The following SNCAIP variants were observed in gnomAD, a reference collection of about 807,000 sequenced individuals.
SNCAIP encodes the protein synphilin-1.
In SNCAIP, 43 loss-of-function variants were observed where a neutral mutation model predicts 86.7. The observed-to-expected ratio is 0.50, with a 90% CI of 0.39 to 0.64. SNCAIP has a LOEUF of 0.64. SNCAIP is among the 30% of genes least tolerant of loss of function. SNCAIP has a pLI of 0.00. For missense variants in SNCAIP, 981 were observed against 1,103.1 expected, an observed-to-expected ratio of 0.89 and a Z score of 1.57; for synonymous variants, 417 against 427.2, an observed-to-expected ratio of 0.98 and a Z score of 0.29.
At chr5:122,328,458 C>T (rs1754580086) in intron 1 of SNCAIP, among the ~76,000 whole-genome samples, 1 of 152,188 alleles carries the variant, frequency 6.6e-6, no homozygotes. Context: ...CATAAATACT[C>T]CCTTCTCTTG....
chr5:122,344,171 G>A (rs767563301), intron 1 of SNCAIP, among the ~76,000 whole-genome samples: 82 of 152,104 alleles, frequency 5.4e-4, no homozygotes, highest in Non-Finnish European at 2.8e-4. Context: ...TCATGAAAGC[G>A]GGACATTTTT....
At chr5:122,403,243 A>T (rs1170880791) in intron 2 of SNCAIP, among the ~76,000 whole-genome samples, 1 of 152,122 alleles carries the variant, frequency 6.6e-6, no homozygotes, top group Non-Finnish European at 1.5e-5. Context: ...TTTTTATGAC[A>T]TTACCCTGGT....
intron 1 of SNCAIP, among the ~76,000 whole-genome samples, chr5:122,384,808 C>A (rs1403140643): frequency 6.6e-6 from 1 of 152,154 alleles, no homozygotes; most frequent in Admixed American, 6.5e-5. Flanking sequence ...TTTGATATTC[C>A]AAGATGTGCT....
At chr5:122,386,317 A>C (rs566368183) in intron 1 of SNCAIP, among the ~76,000 whole-genome samples, 2 of 152,212 alleles carry the variant, frequency 1.3e-5, no homozygotes, top group East Asian at 3.9e-4. Flanking sequence ...TGTGGTTCTC[A>C]GTTATTTTGA....
At chr5:122,378,008 A>T (rs1580812916) in intron 1 of SNCAIP, among the ~76,000 whole-genome samples, 1 of 150,810 alleles carries the variant, frequency 6.6e-6, no homozygotes, top group East Asian at 2.0e-4. Flanking sequence ...ATACGTGTGC[A>T]TGTGTCTTTA....
chr5:122,381,914 G>A (rs573757331), intron 1 of SNCAIP, among the ~76,000 whole-genome samples: 1 of 152,162 alleles, frequency 6.6e-6, no homozygotes, highest in Non-Finnish European at 1.5e-5. Context: ...AAGATCTGCT[G>A]TTAGTCTGAT....
Position 122,341,865 on chromosome 5 carries a change from A to C in SNCAIP, c.-47+29581A>C, listed in dbSNP as rs544065109. On this transcript the variant is annotated intron_variant, in intron 1 of 10. Coordinates refer to ENST00000261368, the MANE Select transcript of SNCAIP (RefSeq NM_005460.4). ...ACTTAAAAAACAATACTCCATCCCG[A>C]ATTTAGATGCTTCCAAAATCCTTTG... is the stretch of plus-strand genomic sequence containing the variant. Among the ~76,000 whole-genome samples the C allele has an allele frequency of 5.9e-5, 9 of 152,240 alleles. No individual in the cohort carries two copies. In the South Asian group the frequency reaches 8.3e-4, roughly 14 times the overall value.
At chr5:122,432,459 T>A (rs940336783) in intron 6 of SNCAIP, among the ~76,000 whole-genome samples, 1 of 152,166 alleles carries the variant, frequency 6.6e-6, no homozygotes, top group Non-Finnish European at 1.5e-5. Context: ...ACAACATGTT[T>A]ATAGTAGTTA....
intron 3 of SNCAIP, among the ~76,000 whole-genome samples, chr5:122,409,501 G>T (rs1456421614): frequency 6.6e-6 from 1 of 152,132 alleles, no homozygotes; most frequent in East Asian, 1.9e-4. Context: ...AGTAATAAAT[G>T]ACCCTGTAAT....
chr5:122,409,375 C>G (rs918218832), intron 3 of SNCAIP, among the ~76,000 whole-genome samples: 1 of 152,202 alleles, frequency 6.6e-6, no homozygotes, highest in Admixed American at 6.5e-5. Flanking sequence ...CTTTCAACAT[C>G]TGTATCTGCT....
At chr5:122,437,361 T>C (rs1326395044) in intron 6 of SNCAIP, 1 of 152,162 alleles carries the variant, frequency 6.6e-6, no homozygotes, top group East Asian at 1.9e-4. Context: ...TTAAATATGC[T>C]TTTACCAAAA....
In SNCAIP at chr5:122,407,802, A is replaced by G. The variant is rs77172925; in HGVS notation, c.130+3937A>G. 5.0e-3 allele frequency among the ~76,000 whole-genome samples: 769 copies of G among 152,360 alleles called. 7 individuals carry two copies. The highest frequency in any genetic ancestry group is 0.018 in the African/African-American group (733 of 41,578). On this transcript the variant is annotated intron_variant, in intron 3 of 10. Coordinates refer to ENST00000261368, the MANE Select transcript of SNCAIP (RefSeq NM_005460.4). Reference sequence around the variant, plus strand: ...AAAGAAAAAAAATAGTCCAAAGCCAATCAGATCTTTGAAGGTAATCCTCCT... The same window carrying G: ...AAAGAAAAAAAATAGTCCAAAGCCAGTCAGATCTTTGAAGGTAATCCTCCT...
At chr5:122,390,994 C>A in intron 1 of SNCAIP, 95 bp from the exon 2 acceptor site, 1 of 710,076 alleles carries the variant, frequency 1.4e-6, no homozygotes, top group Admixed American at 2.0e-5. Flanking sequence ...CACCCAATAA[C>A]CCTTCTCATC....
intron 1 of SNCAIP, among the ~76,000 whole-genome samples, chr5:122,329,862 A>G (rs1207527748): frequency 6.6e-6 from 1 of 152,194 alleles, no homozygotes; most frequent in Non-Finnish European, 1.5e-5. Flanking sequence ...AAGTGGAGCC[A>G]TCATAAGCTT....
chr5:122,316,946 A>C (rs1751865646), intron 1 of SNCAIP, among the ~76,000 whole-genome samples: 1 of 152,216 alleles, frequency 6.6e-6, no homozygotes, highest in Admixed American at 6.5e-5. Flanking sequence ...ACCAGCTCAA[A>C]CCAAAGAATA....
chr5:122,361,558 T>A (rs540206653), intron 1 of SNCAIP, among the ~76,000 whole-genome samples: 60 of 152,328 alleles, frequency 3.9e-4, no homozygotes, highest in African/African-American at 1.3e-3. Context: ...AGCTGTTTTT[T>A]TAAAAAACAG....
At chr5:122,396,589 T>C (rs916747511) in intron 2 of SNCAIP, among the ~76,000 whole-genome samples, 2 of 152,194 alleles carry the variant, frequency 1.3e-5, no homozygotes, top group African/African-American at 4.8e-5. Flanking sequence ...TCAACAAGCA[T>C]TTACTAAACA....
At chr5:122,390,011 T>G (rs1011962145) in intron 1 of SNCAIP, 3 of 152,164 alleles carry the variant, frequency 2.0e-5, no homozygotes, top group Non-Finnish European at 4.4e-5. Flanking sequence ...CTTTTTACAC[T>G]TTCAGTCTTT....
chr5:122,436,668 A>G (rs773567090), intron 6 of SNCAIP: 1 of 152,220 alleles, frequency 6.6e-6, no homozygotes, highest in African/African-American at 2.4e-5. Context: ...ATAATCTATG[A>G]TCACAAAGCT....
Sources: allele counts gnomAD v4.1 joint callset (sites outside exome capture counted in the v4.1 genomes callset), GRCh38; gene constraint gnomAD v4.1.1; transcripts MANE v1.5; gene names NCBI Gene and HGNC (gene_info 2026-07-23, HGNC 2026-07-21).